Variants in NRG1 observed in about 807,000 individuals in gnomAD.
The protein encoded by NRG1 is neuregulin 1, also known as pro-neuregulin-1, membrane-bound isoform.
In NRG1, 18 loss-of-function variants were observed where a neutral mutation model predicts 63.8. The observed-to-expected ratio is 0.28, with a 90% CI of 0.19 to 0.42. NRG1 has a LOEUF of 0.42. NRG1 is among the 10% of genes least tolerant of loss of function. The pLI, the probability that NRG1 is intolerant of heterozygous loss-of-function variation, is 1.00. For missense variants in NRG1, 762 were observed against 814.7 expected, an observed-to-expected ratio of 0.94 and a Z score of 0.79; for synonymous variants, 302 against 301.3, an observed-to-expected ratio of 1.00 and a Z score of -0.02.
At chr8:32,629,587 T>TA (rs940793223) in intron 5 of NRG1, among the ~76,000 whole-genome samples, 27 of 152,326 alleles carry the variant, frequency 1.8e-4, no homozygotes, top group Middle Eastern at 3.4e-3. Context: ...ATCAAAGTTT[T>TA]AAAAAACTAA....
intron 1 of NRG1, among the ~76,000 whole-genome samples, chr8:31,915,280 C>T (rs1298123321): frequency 2.0e-5 from 3 of 152,020 alleles, no homozygotes; most frequent in African/African-American, 7.2e-5. Context: ...GTTATTTTTC[C>T]TAAGGGCAAA....
chr8:31,923,540 C>A (rs1834086264), intron 1 of NRG1, among the ~76,000 whole-genome samples: 2 of 152,080 alleles, frequency 1.3e-5, no homozygotes, highest in Middle Eastern at 3.4e-3. Flanking sequence ...TAATTTCTTC[C>A]TTACGTATTT....
chr8:32,527,497 T>C (rs1409745174), intron 1 of NRG1, among the ~76,000 whole-genome samples: 1 of 152,106 alleles, frequency 6.6e-6, no homozygotes, highest in African/African-American at 2.4e-5. Context: ...ATAATAGACA[T>C]TGGAGACTCA....
At chr8:32,520,687 C>T (rs1782940311) in intron 1 of NRG1, among the ~76,000 whole-genome samples, 1 of 152,194 alleles carries the variant, frequency 6.6e-6, no homozygotes, top group African/African-American at 2.4e-5. Context: ...GTCCCCCCTT[C>T]TTTACAGTTT....
At chr8:32,731,368 A>G (rs1396575545) in intron 6 of NRG1, among the ~76,000 whole-genome samples, 1 of 151,770 alleles carries the variant, frequency 6.6e-6, no homozygotes, top group Admixed American at 6.6e-5. Flanking sequence ...CTAATTGTCT[A>G]GTGGATCATT....
chr8:32,267,906 C>T (rs150176094), intron 1 of NRG1, among the ~76,000 whole-genome samples: 9 of 152,270 alleles, frequency 5.9e-5, no homozygotes, highest in South Asian at 2.1e-4. Flanking sequence ...AAATGGTCCC[C>T]GTGATCCCTG....
chr8:31,666,805 A>G (rs977968690), intron 1 of NRG1, among the ~76,000 whole-genome samples: 1 of 152,212 alleles, frequency 6.6e-6, no homozygotes, highest in Non-Finnish European at 1.5e-5. Context: ...AGGTTCTACC[A>G]CATGTGGCAT....
In NRG1 at chr8:32,493,072, G is replaced by A. The variant is rs558601818; in HGVS notation, c.38-102756G>A. 2.6e-5 allele frequency among the ~76,000 whole-genome samples: 4 copies of A among 152,190 alleles called. No homozygotes were observed. The East Asian group carries it at 7.7e-4, about 29-fold the overall frequency. On this transcript the variant is annotated intron_variant, in intron 1 of 10. Coordinates refer to the NRG1 transcript ENST00000519301. ...TTTAAAAACAAACCCTACTGCCAGG[G>A]ATTTCCAATGGCAACTTTACCGTGC...
intron 1 of NRG1, among the ~76,000 whole-genome samples, chr8:31,772,363 A>G (rs1205525168): frequency 6.6e-6 from 1 of 152,054 alleles, no homozygotes; most frequent in African/African-American, 2.4e-5. Context: ...GACTCTCTAC[A>G]CAGTAAGGGC....
At chr8:32,750,664 C>T (rs538876117) in intron 7 of NRG1, among the ~76,000 whole-genome samples, 5 of 148,630 alleles carry the variant, frequency 3.4e-5, no homozygotes, top group Admixed American at 2.0e-4. Context: ...CAGTTGCAAG[C>T]TCTAGCAGCT....
intron 1 of NRG1, among the ~76,000 whole-genome samples, chr8:31,991,908 T>C (rs1811162696): frequency 6.6e-6 from 1 of 152,008 alleles, no homozygotes; most frequent in African/African-American, 2.4e-5. Flanking sequence ...AAAATAACAT[T>C]TACTAACTAA....
At chr8:32,670,095 G>T (rs976737090) in intron 5 of NRG1, among the ~76,000 whole-genome samples, 2 of 152,156 alleles carry the variant, frequency 1.3e-5, no homozygotes, top group Non-Finnish European at 2.9e-5. Flanking sequence ...TTGCTAAAAA[G>T]TACTTCTCTT....
intron 1 of NRG1, among the ~76,000 whole-genome samples, chr8:31,986,935 GTAGAGTGCTATAA>G (rs1426542047): frequency 6.6e-6 from 1 of 152,136 alleles, no homozygotes; most frequent in Non-Finnish European, 1.5e-5. Flanking sequence ...AACAATTCAA[GTAGAGTGCTATAA>G]TGTGACTGTT....
intron 1 of NRG1, among the ~76,000 whole-genome samples, chr8:32,301,315 A>T (rs1458319380): frequency 6.6e-6 from 1 of 152,220 alleles, no homozygotes; most frequent in Non-Finnish European, 1.5e-5. Context: ...TCAGGAAATT[A>T]CATTAAAAGT....
intron 1 of NRG1, among the ~76,000 whole-genome samples, chr8:31,666,313 G>A (rs1489846657): frequency 1.3e-5 from 2 of 152,110 alleles, no homozygotes; most frequent in Non-Finnish European, 2.9e-5. Context: ...TCTCTGATTT[G>A]TGTTTCCTGG....
chr8:32,601,152 T>A (rs1844284677), intron 2 of NRG1, among the ~76,000 whole-genome samples: 1 of 152,212 alleles, frequency 6.6e-6, no homozygotes, highest in Non-Finnish European at 1.5e-5. Flanking sequence ...TTATGCTCCT[T>A]GAGGTCAGTG....
At chr8:32,386,148 C>T (rs1031092225) in intron 1 of NRG1, among the ~76,000 whole-genome samples, 3 of 152,176 alleles carry the variant, frequency 2.0e-5, no homozygotes, top group African/African-American at 7.2e-5. Context: ...GTTGCTCAGG[C>T]TGGAATGCCG....
At chr8:31,884,129 G>A (rs944209844) in intron 1 of NRG1, among the ~76,000 whole-genome samples, 5 of 152,008 alleles carry the variant, frequency 3.3e-5, no homozygotes, top group African/African-American at 9.7e-5. Flanking sequence ...GTAATGACGT[G>A]TTATCTTGGT....
chr8:32,429,247 C>G (rs574868025), intron 1 of NRG1, among the ~76,000 whole-genome samples: 36 of 152,204 alleles, frequency 2.4e-4, no homozygotes, highest in African/African-American at 8.4e-4. Context: ...AATGACAAGA[C>G]CCAAATGGGA....
Sources: allele counts gnomAD v4.1 joint callset (sites outside exome capture counted in the v4.1 genomes callset), GRCh38; gene constraint gnomAD v4.1.1; transcripts MANE v1.5; gene names NCBI Gene and HGNC (gene_info 2026-07-23, HGNC 2026-07-21).